The following AUTS2 variants were observed in gnomAD, a reference collection of about 807,000 sequenced individuals.
The protein encoded by AUTS2 is activator of transcription and developmental regulator AUTS2.
A neutral mutation model predicts 112.4 loss-of-function variants in AUTS2; 17 were observed. That is an observed-to-expected ratio of 0.15 (90% CI 0.10 to 0.23). The LOEUF (loss-of-function observed/expected upper bound fraction) is 0.23. Among genes scored for constraint, AUTS2 ranks in the 10% least tolerant of loss-of-function variants. The pLI, the probability that AUTS2 is intolerant of heterozygous loss-of-function variation, is 1.00. For synonymous variants in AUTS2, 751 were observed against 702.7 expected, an observed-to-expected ratio of 1.07 and a Z score of -1.09; for missense variants, 1,510 against 1,701.6, an observed-to-expected ratio of 0.89 and a Z score of 1.98.
rs754442697 is a variant in AUTS2 at position 70,774,081 on chromosome 7, A to T, written c.1884A>T (p.Leu628Phe). 1 of 1,613,806 alleles carries T rather than the reference A, an allele frequency of 6.2e-7. No individual in the cohort carries two copies. Among genetic ancestry groups the T allele is most frequent in the Non-Finnish European group, 8.5e-7 (1 of 1,179,992 alleles). ...GGCCTGGGACAGTCCCACACACTTT[A>T]CTCCAAAAGGACCCGAGGGTACGTG... The part of the protein sequence containing the change: ...AARPGTVPHT[L>F]LQKDPRLTDP... Residue 628 changes from leucine (L) to phenylalanine (F), a missense_variant, in exon 12 of 19, where the codon TTA (leucine) becomes TTT (phenylalanine). By Grantham distance (22) the Leu-to-Phe change is conservative (BLOSUM62 0). Coordinates refer to ENST00000342771, the MANE Select transcript of AUTS2 (RefSeq NM_015570.4).
intron 4 of AUTS2, among the ~76,000 whole-genome samples, chr7:70,393,072 T>C (rs1793933550): frequency 6.6e-6 from 1 of 152,198 alleles, no homozygotes; most frequent in South Asian, 2.1e-4. Context: ...GTATTGATTT[T>C]GCTGGTCTGC....
At chr7:70,649,071 C>T (rs961328276) in intron 5 of AUTS2, among the ~76,000 whole-genome samples, 1 of 152,124 alleles carries the variant, frequency 6.6e-6, no homozygotes, top group Non-Finnish European at 1.5e-5. Flanking sequence ...TCAACCTCAG[C>T]TTACGGAAAG....
At chr7:69,603,841 A>G (rs954925165) in intron 1 of AUTS2, among the ~76,000 whole-genome samples, 1 of 152,210 alleles carries the variant, frequency 6.6e-6, no homozygotes, top group African/African-American at 2.4e-5. Flanking sequence ...TTGGGGTCCT[A>G]CTACCATCAG....
intron 4 of AUTS2, among the ~76,000 whole-genome samples, chr7:70,136,052 A>G (rs1806543108): frequency 6.6e-6 from 1 of 152,162 alleles, no homozygotes; most frequent in Admixed American, 6.5e-5. Flanking sequence ...CTGAAAGAAG[A>G]AAGTCATTTC....
chr7:70,189,601 C>T (rs1456002265), intron 4 of AUTS2, among the ~76,000 whole-genome samples: 2 of 152,122 alleles, frequency 1.3e-5, no homozygotes. Flanking sequence ...CAAAGTATTG[C>T]CTGCCTAAGT....
chr7:70,121,421 G>A (rs935767485), intron 3 of AUTS2, among the ~76,000 whole-genome samples: 4 of 152,046 alleles, frequency 2.6e-5, no homozygotes, highest in South Asian at 2.1e-4. Context: ...ACAAAATGGG[G>A]AAAAGATTTG....
chr7:70,761,962 T>G (rs759980693), intron 6 of AUTS2, among the ~76,000 whole-genome samples: 1 of 152,204 alleles, frequency 6.6e-6, no homozygotes, highest in African/African-American at 2.4e-5. Context: ...ACCTTTGATC[T>G]CAGAAGTTGC....
At chr7:69,829,829 G>A (rs1466284627) in intron 1 of AUTS2, among the ~76,000 whole-genome samples, 5 of 152,112 alleles carry the variant, frequency 3.3e-5, no homozygotes, top group Non-Finnish European at 4.4e-5. Context: ...ACAGTGTGGC[G>A]ATTCCTCAAG....
At chr7:69,832,417 G>A (rs778237687) in intron 1 of AUTS2, among the ~76,000 whole-genome samples, 7 of 152,262 alleles carry the variant, frequency 4.6e-5, no homozygotes, top group Non-Finnish European at 7.4e-5. Context: ...GACCCATCAC[G>A]TGGAAGATCC....
intron 5 of AUTS2, among the ~76,000 whole-genome samples, chr7:70,649,784 T>C (rs892630273): frequency 6.6e-6 from 1 of 152,088 alleles, no homozygotes; most frequent in Non-Finnish European, 1.5e-5. Context: ...CGCCTCGGTG[T>C]CCAAAGTGCT....
At chr7:69,755,611 GAGA>G in intron 1 of AUTS2, among the ~76,000 whole-genome samples, 1 of 152,158 alleles carries the variant, frequency 6.6e-6, no homozygotes, top group Non-Finnish European at 1.5e-5. Flanking sequence ...ACATTATGAT[GAGA>G]GCCATGGGAA....
chr7:70,466,872 G>A (rs1339849921), intron 5 of AUTS2, among the ~76,000 whole-genome samples: 3 of 152,162 alleles, frequency 2.0e-5, no homozygotes, highest in African/African-American at 7.2e-5. Context: ...TGTGGAGGAC[G>A]GATTGAGGGA....
chr7:70,018,526 T>G (rs1324039738), intron 2 of AUTS2, among the ~76,000 whole-genome samples: 1 of 152,178 alleles, frequency 6.6e-6, no homozygotes, highest in Non-Finnish European at 1.5e-5. Flanking sequence ...CCTAGCTAAT[T>G]TGATTCCTGT....
chr7:70,131,393 T>A (rs972944025), intron 3 of AUTS2, among the ~76,000 whole-genome samples: 4 of 152,054 alleles, frequency 2.6e-5, no homozygotes, highest in African/African-American at 4.8e-5. Flanking sequence ...TTGCAGTGAG[T>A]CATGATCTTG....
chr7:69,893,479 C>T (rs1046164993), intron 1 of AUTS2, among the ~76,000 whole-genome samples: 1 of 152,156 alleles, frequency 6.6e-6, no homozygotes, highest in Non-Finnish European at 1.5e-5. Context: ...CAGGACACAG[C>T]CATTATGTCA....
At chr7:70,725,457 A>G (rs1786972077) in intron 6 of AUTS2, among the ~76,000 whole-genome samples, 1 of 152,202 alleles carries the variant, frequency 6.6e-6, no homozygotes, top group Non-Finnish European at 1.5e-5. Context: ...GAATGAATGA[A>G]ATTTGGGAGC....
chr7:70,252,529 A>C (rs939337152), intron 4 of AUTS2, among the ~76,000 whole-genome samples: 3 of 151,998 alleles, frequency 2.0e-5, no homozygotes, highest in Admixed American at 6.6e-5. Flanking sequence ...GTTTGCAAAT[A>C]TTTTCTCCCA....
chr7:70,100,669 G>A (rs1687479104), intron 2 of AUTS2, among the ~76,000 whole-genome samples: 1 of 151,316 alleles, frequency 6.6e-6, no homozygotes, highest in East Asian at 2.0e-4. Flanking sequence ...TTGTTCAAGA[G>A]TATCAAGTTG....
intron 1 of AUTS2, among the ~76,000 whole-genome samples, chr7:69,682,760 C>G (rs994098659): frequency 1.3e-5 from 2 of 152,148 alleles, no homozygotes; most frequent in African/African-American, 4.8e-5. Flanking sequence ...AGAAACAAAA[C>G]CTCTGCTTGA....
Sources: gnomAD v4.1 joint callset for allele counts (sites outside exome capture counted in the v4.1 genomes callset) on GRCh38, gnomAD v4.1.1 for gene constraint, MANE v1.5 for transcripts, NCBI Gene and HGNC (gene_info 2026-07-23, HGNC 2026-07-21) for gene names.